Variants in NBEA observed in about 807,000 individuals in gnomAD.
The protein encoded by NBEA is lysosomal-trafficking regulator 2.
In NBEA, 44 loss-of-function variants were observed where a neutral mutation model predicts 343.4. That is an observed-to-expected ratio of 0.13 (90% CI 0.10 to 0.16). NBEA has a LOEUF of 0.16. Among genes scored for constraint, NBEA ranks in the 10% least tolerant of loss-of-function variants. The pLI, the probability that NBEA is intolerant of heterozygous loss-of-function variation, is 1.00. For missense variants in NBEA, 2,555 were observed against 3,631.3 expected (o/e 0.70, Z 7.62); for synonymous variants, 1,175 against 1,238.7 (o/e 0.95, Z 1.08).
chr13:35,004,813 C>T (rs1290344416), intron 1 of NBEA, among the ~76,000 whole-genome samples: 2 of 152,084 alleles, frequency 1.3e-5, no homozygotes, highest in African/African-American at 4.8e-5. Context: ...TTTGTCTGGA[C>T]ATTTGAATTT....
chr13:35,600,405 C>G (rs1341406251), intron 47 of NBEA, among the ~76,000 whole-genome samples: 2 of 152,104 alleles, frequency 1.3e-5, no homozygotes, highest in Non-Finnish European at 2.9e-5. Flanking sequence ...GCTAAAAATA[C>G]TTGCATCATC....
intron 44 of NBEA, among the ~76,000 whole-genome samples, chr13:35,557,655 A>T (rs1258657843): frequency 6.6e-6 from 1 of 152,148 alleles, no homozygotes; most frequent in Non-Finnish European, 1.5e-5. Flanking sequence ...TGACTATTGT[A>T]AGCAATGGGA....
intron 38 of NBEA, among the ~76,000 whole-genome samples, chr13:35,404,782 A>G (rs2043187482): frequency 6.6e-6 from 1 of 152,002 alleles, no homozygotes; most frequent in South Asian, 2.1e-4. Flanking sequence ...AAAGAACAAT[A>G]CAATGATTAA....
intron 8 of NBEA, among the ~76,000 whole-genome samples, chr13:35,063,431 C>CT (rs1381133785): frequency 6.6e-6 from 1 of 151,898 alleles, no homozygotes; most frequent in African/African-American, 2.4e-5. Context: ...CGGGGAAGAG[C>CT]TTTAAGGGCA....
chr13:35,084,668 AAG>A (rs1467912042), intron 10 of NBEA, among the ~76,000 whole-genome samples: 2 of 152,180 alleles, frequency 1.3e-5, no homozygotes, highest in Non-Finnish European at 2.9e-5. Context: ...TCACAATTAA[AAG>A]AACTAGAGAA....
chr13:35,243,609 G>A (rs1391657910), intron 34 of NBEA, among the ~76,000 whole-genome samples: 2 of 151,794 alleles, frequency 1.3e-5, no homozygotes, highest in Non-Finnish European at 3.0e-5. Context: ...ACAGAACAGG[G>A]ATGTTTAATA....
At chr13:35,355,148 T>A (rs1383072016) in intron 38 of NBEA, among the ~76,000 whole-genome samples, 1 of 152,186 alleles carries the variant, frequency 6.6e-6, no homozygotes, top group Admixed American at 6.6e-5. Context: ...TTACCTTGGA[T>A]CACCTTAGTC....
At chr13:35,101,392 T>A (rs1325194922) in intron 11 of NBEA, among the ~76,000 whole-genome samples, 1 of 151,904 alleles carries the variant, frequency 6.6e-6, no homozygotes, top group Admixed American at 6.6e-5. Flanking sequence ...GGGTGTGAAA[T>A]GGCTTATCAA....
intron 40 of NBEA, among the ~76,000 whole-genome samples, chr13:35,465,275 C>T (rs1358252085): frequency 3.9e-5 from 6 of 152,008 alleles, no homozygotes; most frequent in African/African-American, 1.2e-4. Context: ...TCCACAAACA[C>T]AGATTGCATA....
At chr13:35,168,852 TAATAA>T (rs1238879388) in intron 24 of NBEA, 130 bp from the exon 25 acceptor site, 2 of 558,088 alleles carry the variant, frequency 3.6e-6, no homozygotes, top group East Asian at 7.6e-5. Context: ...ATTTTGCTTT[TAATAA>T]AATAATCAAA....
At chr13:35,082,703 G>A (rs1465260628) in intron 10 of NBEA, among the ~76,000 whole-genome samples, 2 of 152,118 alleles carry the variant, frequency 1.3e-5, no homozygotes, top group East Asian at 1.9e-4. Context: ...TCTTTTGCCT[G>A]CAAAAATGTC....
At chr13:35,076,875 T>G (rs1475375797) in intron 10 of NBEA, among the ~76,000 whole-genome samples, 3 of 152,106 alleles carry the variant, frequency 2.0e-5, no homozygotes, top group Non-Finnish European at 1.5e-5. Flanking sequence ...ATTACCTTCC[T>G]TCATTTATTT....
At chr13:35,341,988 TAAAC>T (rs1425039018) in intron 36 of NBEA, among the ~76,000 whole-genome samples, 1 of 152,032 alleles carries the variant, frequency 6.6e-6, no homozygotes, top group Non-Finnish European at 1.5e-5. Flanking sequence ...GGTGAGTTGG[TAAAC>T]AAACTATGAT....
At chr13:35,383,525 G>A (rs2042105554) in intron 38 of NBEA, among the ~76,000 whole-genome samples, 1 of 152,056 alleles carries the variant, frequency 6.6e-6, no homozygotes, top group Non-Finnish European at 1.5e-5. Flanking sequence ...ATCAACTCAA[G>A]GCAGAGATAA....
At chr13:35,060,076 G>A (rs1033423690) in intron 8 of NBEA, among the ~76,000 whole-genome samples, 5 of 151,700 alleles carry the variant, frequency 3.3e-5, no homozygotes, top group Non-Finnish European at 7.4e-5. Context: ...TTAATATGCT[G>A]CATGCTTTTC....
chr13:35,289,058 T>C (rs1302548026), intron 34 of NBEA, among the ~76,000 whole-genome samples: 1 of 151,902 alleles, frequency 6.6e-6, no homozygotes, highest in South Asian at 2.1e-4. Context: ...AATAAGGAGA[T>C]AGGGTCGTTA....
At chr13:35,076,964 T>TTTTATACAAATTA (rs2064148175) in intron 10 of NBEA, among the ~76,000 whole-genome samples, 1 of 152,064 alleles carries the variant, frequency 6.6e-6, no homozygotes, top group African/African-American at 2.4e-5. Context: ...ATAAAGAGTA[T>TTTTATACAAATTA]TACCACATGC....
Position 35,117,331 on chromosome 13 carries a change from G to T in NBEA, c.2003-83G>T, listed in dbSNP as rs1442564212. 3 of 532,698 alleles carry T rather than the reference G, an allele frequency of 5.6e-6. No individual in the cohort carries two copies. In the Admixed American group the frequency reaches 1.4e-4, roughly 24 times the overall value. 33.0% of individuals were successfully genotyped at this position (532,698 alleles called of 1,614,324 possible). ...TTAATAAAGATAATTATTCAAGAAT[G>T]CCATAGTATCCCAAGATAATTGCAT... is the stretch of plus-strand genomic sequence containing the variant. On this transcript the variant is annotated intron_variant, in intron 13 of 58. Transcript: ENST00000379939.
intron 8 of NBEA, among the ~76,000 whole-genome samples, chr13:35,063,277 T>C (rs2063529677): frequency 6.6e-6 from 1 of 152,000 alleles, no homozygotes; most frequent in Non-Finnish European, 1.5e-5. Context: ...GCCTGTATTT[T>C]GGAGAAGTAG....
Sources: allele counts gnomAD v4.1 joint callset (sites outside exome capture counted in the v4.1 genomes callset), GRCh38; gene constraint gnomAD v4.1.1; transcripts MANE v1.5; gene names NCBI Gene and HGNC (gene_info 2026-07-23, HGNC 2026-07-21).